The following SLC2A13 variants were observed in gnomAD, a reference collection of about 807,000 sequenced individuals.
SLC2A13 encodes proton myo-inositol cotransporter.
A neutral mutation model predicts 64.4 loss-of-function variants in SLC2A13; 32 were observed. The observed-to-expected ratio is 0.50, with a 90% CI of 0.37 to 0.67. The LOEUF (loss-of-function observed/expected upper bound fraction) is 0.67. Among genes scored for constraint, SLC2A13 ranks in the 30% least tolerant of loss-of-function variants. SLC2A13 has a pLI of 0.00. For missense variants in SLC2A13, 743 were observed against 829.2 expected, an observed-to-expected ratio of 0.90 and a Z score of 1.28; for synonymous variants, 338 against 327.1, an observed-to-expected ratio of 1.03 and a Z score of -0.36.
chr12:39,764,199 G>T (rs965984937), intron 9 of SLC2A13, among the ~76,000 whole-genome samples: 19 of 151,982 alleles, frequency 1.3e-4, no homozygotes, highest in African/African-American at 4.3e-4. Context: ...GAGATAGCTG[G>T]GAGATGTCTG....
rs953733911 is a variant in SLC2A13 at position 39,757,429 on chromosome 12, C to G, written c.*2597G>C. On this transcript the variant is annotated 3_prime_UTR_variant, in exon 10 of 10. Coordinates refer to ENST00000280871, the MANE Select transcript of SLC2A13 (RefSeq NM_052885.4). ...AAATATGCTGGGAACTTAAAAGGTGCCTAATATAAAAAAACCTGCAAAATT... is the reference window on the plus strand; with the variant it reads ...AAATATGCTGGGAACTTAAAAGGTGGCTAATATAAAAAAACCTGCAAAATT... The G allele has an allele frequency of 4.0e-5, 6 of 151,194 alleles. No individual in the cohort carries two copies. Among genetic ancestry groups the G allele is most frequent in the Admixed American group, 3.3e-4 (5 of 15,110 alleles). 9.4% of individuals were successfully genotyped at this position (151,194 alleles called of 1,614,324 possible).
chr12:40,093,326 A>T (rs1938828405), intron 1 of SLC2A13, among the ~76,000 whole-genome samples: 1 of 152,212 alleles, frequency 6.6e-6, no homozygotes, highest in Non-Finnish European at 1.5e-5. Flanking sequence ...ATCCAATCTC[A>T]GCTCAAAATT....
chr12:39,945,414 G>A, intron 4 of SLC2A13, among the ~76,000 whole-genome samples: 1 of 152,106 alleles, frequency 6.6e-6, no homozygotes, highest in Non-Finnish European at 1.5e-5. Flanking sequence ...TAGCAAGGCT[G>A]GGGAAGTTTT....
chr12:40,096,573 T>G (rs1938951809), intron 1 of SLC2A13, among the ~76,000 whole-genome samples: 2 of 151,968 alleles, frequency 1.3e-5, no homozygotes, highest in African/African-American at 2.4e-5. Context: ...AAATTTCATT[T>G]ACATTATTTT....
At chr12:39,991,054 A>G (rs1256737751) in intron 3 of SLC2A13, among the ~76,000 whole-genome samples, 1 of 152,190 alleles carries the variant, frequency 6.6e-6, no homozygotes, top group Non-Finnish European at 1.5e-5. Context: ...GTACTGGTCC[A>G]CAGAGAAGTT....
At chr12:39,896,456 A>G (rs558292591) in intron 4 of SLC2A13, among the ~76,000 whole-genome samples, 11 of 143,482 alleles carry the variant, frequency 7.7e-5, no homozygotes, top group Admixed American at 4.3e-4. Flanking sequence ...ATATGTGTGT[A>G]TATATGTATA....
chr12:39,877,476 T>G (rs181061321), intron 4 of SLC2A13, among the ~76,000 whole-genome samples: 51 of 152,304 alleles, frequency 3.3e-4, no homozygotes, highest in African/African-American at 1.1e-3. Flanking sequence ...ATTCAAGAGG[T>G]GATTTGGGTG....
At position 40,027,012 on chromosome 12, in the gene SLC2A13, G is replaced by A. The variant is rs112274221; in HGVS notation, c.925+1289C>T. ...GGAGAATCACTTGAACTCGGGAGGC[G>A]GAGGTTGCAGTGAGCCAAGATCGCG... is the stretch of plus-strand genomic sequence containing the variant. On this transcript the variant is annotated intron_variant, in intron 3 of 9. Transcript: ENST00000280871. Among the ~76,000 whole-genome samples, 12 of 151,972 alleles carry A rather than the reference G, an allele frequency of 7.9e-5. 1 individual carries two copies. Among genetic ancestry groups the A allele is most frequent in the African/African-American group, 2.2e-4 (9 of 41,440 alleles).
intron 3 of SLC2A13, among the ~76,000 whole-genome samples, chr12:39,991,893 T>C (rs1400690207): frequency 2.6e-5 from 4 of 152,184 alleles, no homozygotes; most frequent in Non-Finnish European, 1.5e-5. Flanking sequence ...ATCCTGCCCT[T>C]ATAGCTCACA....
chr12:40,065,526 A>C (rs1009034484), intron 1 of SLC2A13, among the ~76,000 whole-genome samples: 1 of 152,102 alleles, frequency 6.6e-6, no homozygotes, highest in Non-Finnish European at 1.5e-5. Context: ...TCAAGGCTGC[A>C]GTGAGCTGTG....
chr12:39,989,148 C>T (rs1591984420), intron 3 of SLC2A13, among the ~76,000 whole-genome samples: 1 of 152,146 alleles, frequency 6.6e-6, no homozygotes, highest in Admixed American at 6.6e-5. Context: ...ACAGTCCCTA[C>T]ATAATCTGGT....
intron 3 of SLC2A13, among the ~76,000 whole-genome samples, chr12:39,968,898 A>G (rs1449266421): frequency 6.6e-6 from 1 of 151,474 alleles, no homozygotes; most frequent in African/African-American, 2.4e-5. Context: ...TGCTGCACCC[A>G]TTAACTCGTC....
At chr12:39,799,314 TG>T (rs1941698275) in intron 7 of SLC2A13, among the ~76,000 whole-genome samples, 1 of 147,604 alleles carries the variant, frequency 6.8e-6, no homozygotes, top group African/African-American at 2.5e-5. Flanking sequence ...TTCGCTGTGT[TG>T]GCCAGGCTGG....
chr12:39,779,658 CAT>C (rs1940908986), intron 7 of SLC2A13, among the ~76,000 whole-genome samples: 1 of 152,136 alleles, frequency 6.6e-6, no homozygotes, highest in East Asian at 1.9e-4. Flanking sequence ...TCAGAGAAGA[CAT>C]ATATTTGCTG....
chr12:39,967,802 G>A (rs553638043), intron 3 of SLC2A13, among the ~76,000 whole-genome samples: 1 of 152,218 alleles, frequency 6.6e-6, no homozygotes, highest in South Asian at 2.1e-4. Flanking sequence ...TACACCTGTG[G>A]GAGTTGGATG....
rs1031197044 is a variant in SLC2A13, at chr12:39,756,832, T to C, written c.*3194A>G. On this transcript the variant is annotated 3_prime_UTR_variant, in exon 10 of 10. Transcript: ENST00000280871. Reference sequence around the variant, plus strand: ...AGTGAATAACTTAATATTTAGACTCTTATGTACTAAAATCAGGTTCAGTGG... The same window carrying C: ...AGTGAATAACTTAATATTTAGACTCCTATGTACTAAAATCAGGTTCAGTGG... 6.6e-6 allele frequency: 1 copy of C among 151,718 alleles called. No individual in the cohort carries two copies. Among genetic ancestry groups the C allele is most frequent in the Non-Finnish European group, 1.5e-5 (1 of 67,702 alleles). 9.4% of individuals were successfully genotyped at this position (151,718 alleles called of 1,614,324 possible). A position where few individuals can be genotyped will look rare whatever the true frequency, so the allele number is the denominator to read the frequency against.
At chr12:39,760,953 A>AACACACACAC (rs71449492) in intron 9 of SLC2A13, among the ~76,000 whole-genome samples, 22 of 101,574 alleles carry the variant, frequency 2.2e-4, no homozygotes, top group African/African-American at 6.4e-4. Context: ...GTCTCTACCA[A>AACACACACAC]ACACACACAC....
At chr12:39,842,278 G>A (rs1943197708) in intron 6 of SLC2A13, among the ~76,000 whole-genome samples, 1 of 152,032 alleles carries the variant, frequency 6.6e-6, no homozygotes, top group Admixed American at 6.6e-5. Flanking sequence ...GGTCTTTTCC[G>A]GTATCCTGGT....
chr12:39,962,267 T>G (rs982952274), intron 3 of SLC2A13, among the ~76,000 whole-genome samples: 6 of 152,156 alleles, frequency 3.9e-5, no homozygotes, highest in African/African-American at 1.4e-4. Context: ...ATTTTTGTAT[T>G]TTTAGTAGAG....
Sources: allele counts gnomAD v4.1 joint callset (sites outside exome capture counted in the v4.1 genomes callset), GRCh38; gene constraint gnomAD v4.1.1; transcripts MANE v1.5; gene names NCBI Gene and HGNC (gene_info 2026-07-23, HGNC 2026-07-21).